The following ASTN2 variants were observed in gnomAD, a reference collection of about 807,000 sequenced individuals.
ASTN2 encodes the protein astrotactin 2.
A neutral mutation model predicts 139.8 loss-of-function variants in ASTN2; 54 were observed. The observed-to-expected ratio is 0.39, with a 90% CI of 0.31 to 0.48. The LOEUF (loss-of-function observed/expected upper bound fraction) is 0.48. Ranked by LOEUF, ASTN2 falls within the 20% of genes least tolerant of loss-of-function variation. The pLI, the probability that ASTN2 is intolerant of heterozygous loss-of-function variation, is 0.95. For missense variants in ASTN2, 1,565 were observed against 1,725.1 expected (o/e 0.91, Z 1.64); for synonymous variants, 756 against 719.5 (o/e 1.05, Z -0.81).
At chr9:117,006,771 T>C (rs1460243063) in intron 7 of ASTN2, among the ~76,000 whole-genome samples, 1 of 152,104 alleles carries the variant, frequency 6.6e-6, no homozygotes, top group African/African-American at 2.4e-5. Context: ...TTTCTTCTCC[T>C]ACTCCCCCTC....
At chr9:116,603,574 T>C (rs1855024686) in intron 19 of ASTN2, among the ~76,000 whole-genome samples, 2 of 152,200 alleles carry the variant, frequency 1.3e-5, no homozygotes, top group Admixed American at 1.3e-4. Context: ...AACCAGGAAC[T>C]TAAAATACTT....
intron 19 of ASTN2, among the ~76,000 whole-genome samples, chr9:116,542,267 T>C (rs1165929187): frequency 1.3e-5 from 2 of 152,232 alleles, no homozygotes; most frequent in African/African-American, 4.8e-5. Context: ...TCAAGAAAGT[T>C]TGACAAATTT....
chr9:117,315,603 G>C (rs908333406), intron 1 of ASTN2, among the ~76,000 whole-genome samples: 3 of 152,234 alleles, frequency 2.0e-5, no homozygotes, highest in Admixed American at 2.0e-4. Flanking sequence ...ACATACAGCA[G>C]TTCTCAGTAA....
chr9:116,828,649 G>C (rs1831713407), intron 11 of ASTN2, among the ~76,000 whole-genome samples: 1 of 152,064 alleles, frequency 6.6e-6, no homozygotes, highest in Admixed American at 6.6e-5. Flanking sequence ...ACTAGAACAA[G>C]ACAAAGACAT....
At chr9:116,831,803 A>G (rs904291673) in intron 11 of ASTN2, among the ~76,000 whole-genome samples, 4 of 152,156 alleles carry the variant, frequency 2.6e-5, no homozygotes, top group Non-Finnish European at 5.9e-5. Context: ...ACTTATAAAA[A>G]TCATGCCGAG....
At chr9:116,588,500 A>G (rs1287705764) in intron 19 of ASTN2, among the ~76,000 whole-genome samples, 1 of 152,164 alleles carries the variant, frequency 6.6e-6, no homozygotes, top group African/African-American at 2.4e-5. Flanking sequence ...TGAAGTCTTA[A>G]TGGGTCCTGG....
intron 13 of ASTN2, among the ~76,000 whole-genome samples, chr9:116,738,433 G>A (rs1038286678): frequency 3.3e-5 from 5 of 151,856 alleles, no homozygotes; most frequent in Admixed American, 1.3e-4. Context: ...CTCGGGAGGC[G>A]GAGGTTGCAG....
intron 1 of ASTN2, among the ~76,000 whole-genome samples, chr9:117,413,477 G>A (rs1772379932): frequency 6.6e-6 from 1 of 152,202 alleles, no homozygotes; most frequent in African/African-American, 2.4e-5. Flanking sequence ...AGAGGGGAGG[G>A]GAGAGCGAGC....
intron 1 of ASTN2, among the ~76,000 whole-genome samples, chr9:117,307,096 A>G (rs1280584588): frequency 1.3e-5 from 2 of 152,106 alleles, no homozygotes; most frequent in Admixed American, 1.3e-4. Context: ...CAACCTAAAA[A>G]CCCCTGTGAA....
At chr9:116,798,156 A>T (rs1588301265) in intron 13 of ASTN2, among the ~76,000 whole-genome samples, 1 of 152,222 alleles carries the variant, frequency 6.6e-6, no homozygotes, top group Non-Finnish European at 1.5e-5. Context: ...CTGTAATCCC[A>T]GCTACTCTGG....
chr9:117,291,593 C>T, intron 1 of ASTN2, 80 bp from the exon 2 acceptor site: 2 of 1,364,984 alleles, frequency 1.5e-6, no homozygotes, highest in Non-Finnish European at 2.0e-6. Flanking sequence ...CCCACATAAT[C>T]AGGAGCTCAG....
intron 2 of ASTN2, among the ~76,000 whole-genome samples, chr9:117,229,571 G>T (rs902355244): frequency 1.3e-5 from 2 of 152,220 alleles, no homozygotes; most frequent in Non-Finnish European, 2.9e-5. Flanking sequence ...CATTGAGCCT[G>T]AGATTGGAAA....
At chr9:116,644,369 G>A (rs1316322221) in intron 17 of ASTN2, among the ~76,000 whole-genome samples, 7 of 152,066 alleles carry the variant, frequency 4.6e-5, no homozygotes, top group African/African-American at 9.7e-5. Flanking sequence ...CTGAAAACCC[G>A]AGGGCTGGAA....
intron 11 of ASTN2, among the ~76,000 whole-genome samples, chr9:116,844,404 A>G (rs954466662): frequency 2.0e-5 from 3 of 152,200 alleles, no homozygotes. Context: ...TTCTCAGTCC[A>G]GCACGTGGGA....
chr9:117,162,062 G>A (rs1830565926), intron 3 of ASTN2, among the ~76,000 whole-genome samples: 1 of 151,964 alleles, frequency 6.6e-6, no homozygotes, highest in African/African-American at 2.4e-5. Context: ...ACCTTGAAGT[G>A]ACACATATCA....
chr9:116,501,339 C>A (rs147830868), intron 19 of ASTN2, among the ~76,000 whole-genome samples: 4,009 of 152,268 alleles, frequency 0.026, 75 homozygotes, highest in Middle Eastern at 0.051. Context: ...TGTATATGTG[C>A]CACATTTTCT....
At chr9:116,992,532 C>G (rs946064275) in intron 7 of ASTN2, among the ~76,000 whole-genome samples, 1 of 152,146 alleles carries the variant, frequency 6.6e-6, no homozygotes, top group Non-Finnish European at 1.5e-5. Context: ...CCTGAGGTGC[C>G]TCATTCAGTT....
intron 16 of ASTN2, among the ~76,000 whole-genome samples, chr9:116,717,426 G>A (rs551309137): frequency 3.9e-5 from 6 of 152,194 alleles, no homozygotes; most frequent in Admixed American, 2.0e-4. Flanking sequence ...GTCTTCTGGC[G>A]TGCTGTAGAC....
At chr9:117,253,865 C>G (rs1833607750) in intron 2 of ASTN2, among the ~76,000 whole-genome samples, 3 of 152,134 alleles carry the variant, frequency 2.0e-5, no homozygotes. Context: ...GCCTGAGCAG[C>G]TCCTATGCCT....
Sources: gnomAD v4.1 joint callset for allele counts (sites outside exome capture counted in the v4.1 genomes callset) on GRCh38, gnomAD v4.1.1 for gene constraint, MANE v1.5 for transcripts, NCBI Gene and HGNC (gene_info 2026-07-23, HGNC 2026-07-21) for gene names.